The following MCU variants were observed in gnomAD, a reference collection of about 807,000 sequenced individuals.
MCU encodes mitochondrial calcium uniporter.
MCU carries 12 observed loss-of-function variants against 45.2 expected under a neutral mutation model. The ratio of observed to expected loss-of-function variants is 0.27; its 90% CI spans 0.17 to 0.43. The LOEUF is 0.43. Ranked by LOEUF, MCU falls within the 20% of genes least tolerant of loss-of-function variation. MCU has a pLI of 1.00. For missense variants in MCU, 324 were observed against 436.7 expected (o/e 0.74, Z 2.30); for synonymous variants, 160 against 165.1 (o/e 0.97, Z 0.24).
intron 1 of MCU, among the ~76,000 whole-genome samples, chr10:72,797,471 C>G (rs899532031): frequency 2.0e-5 from 3 of 151,494 alleles, no homozygotes; most frequent in African/African-American, 4.8e-5. Flanking sequence ...AGTGATCTGC[C>G]CATCTCAGCC....
chr10:72,741,663 A>G (rs1040096031), intron 1 of MCU, among the ~76,000 whole-genome samples: 5 of 152,102 alleles, frequency 3.3e-5, no homozygotes, highest in Non-Finnish European at 4.4e-5. Flanking sequence ...GATGGCTTGT[A>G]GGTTATGTGT....
intron 1 of MCU, among the ~76,000 whole-genome samples, chr10:72,693,804 A>G (rs1181871812): frequency 6.6e-6 from 1 of 152,222 alleles, no homozygotes; most frequent in African/African-American, 2.4e-5. Context: ...TTAAAAACAT[A>G]AGGCCACCCC....
rs572207281 is a variant in MCU, at chr10:72,792,282, G to T, written c.151-42077G>T. On this transcript the variant is annotated intron_variant, in intron 1 of 7. Transcript: ENST00000373053. ...CAAAATCATATGTCAATGCATGGAG[G>T]TTACACAGTGTTTTTGGCCTAAAAG... Among the ~76,000 whole-genome samples, 3 of 152,292 alleles carry T rather than the reference G, an allele frequency of 2.0e-5. No homozygotes were observed. In the East Asian group the frequency reaches 5.8e-4, roughly 29 times the overall value.
chr10:72,829,322 C>CAAAA (rs34102458), intron 1 of MCU, among the ~76,000 whole-genome samples: 1 of 116,682 alleles, frequency 8.6e-6, no homozygotes, highest in East Asian at 3.4e-4. Context: ...GACACTGTCT[C>CAAAA]AAAAAAAAAA....
At chr10:72,818,212 T>C (rs970881983) in intron 1 of MCU, among the ~76,000 whole-genome samples, 1 of 152,232 alleles carries the variant, frequency 6.6e-6, no homozygotes, top group Non-Finnish European at 1.5e-5. Context: ...CCTGTGACTT[T>C]TCAGATTTTC....
chr10:72,845,414 A>G (rs1414867694), intron 2 of MCU, among the ~76,000 whole-genome samples: 2 of 152,228 alleles, frequency 1.3e-5, no homozygotes, highest in Non-Finnish European at 2.9e-5. Flanking sequence ...ATTACGGTAT[A>G]CAGTCATGCA....
intron 6 of MCU, among the ~76,000 whole-genome samples, chr10:72,882,092 C>T (rs1258700656): frequency 1.3e-5 from 2 of 152,198 alleles, no homozygotes; most frequent in Non-Finnish European, 1.5e-5. Flanking sequence ...AGTGCAGTCT[C>T]TAAACACAAA....
At chr10:72,707,523 A>G (rs974624266) in intron 1 of MCU, among the ~76,000 whole-genome samples, 1 of 152,062 alleles carries the variant, frequency 6.6e-6, no homozygotes, top group African/African-American at 2.4e-5. Context: ...TATGGGAGCC[A>G]AGGATTGCTG....
chr10:72,803,155 A>G (rs1844368183), intron 1 of MCU, among the ~76,000 whole-genome samples: 1 of 151,876 alleles, frequency 6.6e-6, no homozygotes, highest in Non-Finnish European at 1.5e-5. Flanking sequence ...TTTGGCTTTT[A>G]TTATTGTGGA....
At chr10:72,864,365 A>G (rs1172143539) in intron 4 of MCU, among the ~76,000 whole-genome samples, 1 of 152,202 alleles carries the variant, frequency 6.6e-6, no homozygotes, top group Non-Finnish European at 1.5e-5. Flanking sequence ...GAAAAAAGTG[A>G]TATGACATTG....
At chr10:72,769,431 A>T (rs1037128819) in intron 1 of MCU, among the ~76,000 whole-genome samples, 1 of 152,114 alleles carries the variant, frequency 6.6e-6, no homozygotes, top group Non-Finnish European at 1.5e-5. Flanking sequence ...TTGATGAAAC[A>T]TACTATTTTA....
intron 1 of MCU, among the ~76,000 whole-genome samples, chr10:72,757,294 G>A (rs574979944): frequency 6.6e-6 from 1 of 152,288 alleles, no homozygotes; most frequent in South Asian, 2.1e-4. Context: ...TCCTCCAGCT[G>A]AAGAAACAAG....
At chr10:72,808,837 GAACTC>G (rs972126598) in intron 1 of MCU, among the ~76,000 whole-genome samples, 29 of 152,164 alleles carry the variant, frequency 1.9e-4, no homozygotes, top group African/African-American at 6.3e-4. Flanking sequence ...GATCTCGTGA[GAACTC>G]ACTCACTCTC....
chr10:72,804,929 G>A (rs184940415), intron 1 of MCU, among the ~76,000 whole-genome samples: 70 of 152,136 alleles, frequency 4.6e-4, no homozygotes, highest in Middle Eastern at 3.4e-3. Flanking sequence ...GTGCCACCAG[G>A]CCTGGCTAAT....
At chr10:72,740,260 T>G (rs539462641) in intron 1 of MCU, among the ~76,000 whole-genome samples, 27 of 151,720 alleles carry the variant, frequency 1.8e-4, no homozygotes, top group Non-Finnish European at 3.7e-4. Context: ...GCACCTGTAG[T>G]CCCAGCTACT....
intron 1 of MCU, among the ~76,000 whole-genome samples, chr10:72,710,419 C>T (rs976612123): frequency 2.6e-5 from 4 of 151,756 alleles, no homozygotes; most frequent in African/African-American, 4.8e-5. Context: ...GTTATGGATC[C>T]GAAGGTCACA....
intron 1 of MCU, among the ~76,000 whole-genome samples, chr10:72,817,623 G>A (rs148396409): frequency 1.1e-4 from 17 of 152,150 alleles, no homozygotes; most frequent in African/African-American, 3.6e-4. Context: ...TTGTTTTATT[G>A]TTGTTGTTGT....
At chr10:72,882,450 A>G (rs1348963877) in intron 6 of MCU, among the ~76,000 whole-genome samples, 1 of 152,184 alleles carries the variant, frequency 6.6e-6, no homozygotes, top group Non-Finnish European at 1.5e-5. Context: ...AGCAAGGAAC[A>G]TCCCTGAGAA....
chr10:72,802,192 G>A (rs780020732), intron 1 of MCU, among the ~76,000 whole-genome samples: 1 of 152,124 alleles, frequency 6.6e-6, no homozygotes, highest in Non-Finnish European at 1.5e-5. Context: ...TTCTGGAGGG[G>A]CAGGTTTGTA....
Sources: gnomAD v4.1 joint callset for allele counts (sites outside exome capture counted in the v4.1 genomes callset) on GRCh38, gnomAD v4.1.1 for gene constraint, MANE v1.5 for transcripts, NCBI Gene and HGNC (gene_info 2026-07-23, HGNC 2026-07-21) for gene names.